Variants in GRK7 observed in about 807,000 individuals in gnomAD.
The protein encoded by GRK7 is G protein-coupled receptor kinase 7.
GRK7 carries 24 observed loss-of-function variants against 34.1 expected under a neutral mutation model. That is an observed-to-expected ratio of 0.70 (90% CI 0.51 to 0.99). GRK7 has a LOEUF of 0.99. Among genes scored for constraint, GRK7 ranks in the 50% least tolerant of loss-of-function variants. The pLI is 0.00. For missense variants in GRK7, 644 were observed against 707.3 expected, an observed-to-expected ratio of 0.91 and a Z score of 1.02; for synonymous variants, 256 against 279.4, an observed-to-expected ratio of 0.92 and a Z score of 0.84.
chr3:141,790,593 T>G (rs2084719671), intron 4 of GRK7, among the ~76,000 whole-genome samples: 1 of 151,568 alleles, frequency 6.6e-6, no homozygotes, highest in African/African-American at 2.4e-5. Context: ...AGATGGAGTC[T>G]TGCTCTGTTG....
the GRK7 span, among the ~76,000 whole-genome samples, chr3:141,756,883 T>C: frequency 2.9e-4 from 44 of 152,286 alleles, no homozygotes; most frequent in Non-Finnish European, 5.6e-4. Flanking sequence ...TCCTTGGAGT[T>C]CATTAGAAGG....
chr3:141,795,023 G>A (rs1274766937), intron 4 of GRK7, among the ~76,000 whole-genome samples: 1 of 152,160 alleles, frequency 6.6e-6, no homozygotes, highest in Non-Finnish European at 1.5e-5. Context: ...ATAATACGGT[G>A]TGATCAGGGT....
intron 4 of GRK7, among the ~76,000 whole-genome samples, chr3:141,801,128 G>C (rs1473706270): frequency 2.0e-5 from 3 of 151,922 alleles, no homozygotes; most frequent in Non-Finnish European, 2.9e-5. Context: ...GGCTAACAGG[G>C]TGAAACCCCG....
At position 141,778,433 on chromosome 3, in the gene GRK7, A is replaced by G. The variant is rs780012984; in HGVS notation, c.149A>G (p.Gln50Arg). The change falls in exon 3 of 6, where the codon CAG (glutamine) becomes CGG (arginine). Residue 50 changes from glutamine (Q) to arginine (R), a missense_variant. By Grantham distance (43) the Gln-to-Arg change is conservative (BLOSUM62 1). Transcript: ENST00000682958. This position sits in a 1 kb window ranked among gnomAD's most constrained non-coding sequence, Gnocchi z 4.1. ...PGLQGCAELR[Q>R]KLSLNFHSLC... is the part of the protein sequence containing the mutation. ...CTGCAGGGCTGCGCGGAGCTCCGCC[A>G]GAAGCTGTCCCTGAACTTCCACAGC... 6.2e-6 allele frequency: 10 copies of G among 1,612,868 alleles called. No individual in the cohort carries two copies. The highest frequency in any genetic ancestry group is 7.6e-6 in the Non-Finnish European group (9 of 1,179,876).
chr3:141,799,205 G>A (rs1710924583), intron 4 of GRK7, among the ~76,000 whole-genome samples: 1 of 152,206 alleles, frequency 6.6e-6, no homozygotes, highest in Admixed American at 6.5e-5. Flanking sequence ...GGCAAATGGG[G>A]AGAGGGAAGA....
chr3:141,806,514 G>A (rs1241950100), intron 4 of GRK7, among the ~76,000 whole-genome samples: 1 of 152,024 alleles, frequency 6.6e-6, no homozygotes, highest in Admixed American at 6.6e-5. Context: ...AGTGAGCTGA[G>A]ATCAGGACCC....
rs2084568301 is a variant in GRK7 at position 141,763,887 on chromosome 3, C to T, written c.-2066C>T. Among the ~76,000 whole-genome samples the T allele has an allele frequency of 6.6e-6, 1 of 152,174 alleles. No homozygotes were observed. Among genetic ancestry groups the T allele is most frequent in the African/African-American group, 2.4e-5 (1 of 41,438 alleles). ...TCTTCCCTTCCCTACAAATTCCCTC[C>T]ATTTTGTTTTCCCTAAAACCTGGTT... On this transcript the variant is annotated 5_prime_UTR_variant, in exon 1 of 6. Transcript: ENST00000682958.
rs1013382975 is a variant in GRK7, at chr3:141,765,663, A to G, written c.-290A>G. Among the ~76,000 whole-genome samples the G allele has an allele frequency of 1.3e-5, 2 of 152,054 alleles. No individual in the cohort carries two copies. Among genetic ancestry groups the G allele is most frequent in the South Asian group, 2.1e-4 (1 of 4,808 alleles). On this transcript the variant is annotated 5_prime_UTR_variant, in exon 1 of 6. Transcript: ENST00000682958. ...GGAGGAAACACTGCAGAGAGGCTCA[A>G]CCACCCCAGCTCTCCCAGCTGAGCT...
upstream of GRK7, among the ~76,000 whole-genome samples, chr3:141,760,421 G>A (rs1244479377): frequency 1.3e-3 from 174 of 137,330 alleles, no homozygotes; most frequent in African/African-American, 4.4e-3. Context: ...GTAGTTGAGC[G>A]GCTTTGAGTG....
In GRK7 at chr3:141,807,830, C is replaced by T; in HGVS notation, c.1236C>T (p.Val412=). 1 of 1,613,904 alleles carries T rather than the reference C, an allele frequency of 6.2e-7. No individual in the cohort carries two copies. The highest frequency in any genetic ancestry group is 1.1e-5 in the South Asian group (1 of 91,020). The part of the protein sequence containing the change: ...DLKQRTLQDE[V]KFQHDNFTEE... ...AGCAAAGAACTCTGCAAGACGAGGT[C>T]AAATTCCAGCATGATAACTTCACAG... The change falls in exon 5 of 6, where the codon GTC becomes GTT. Residue 412 remains valine (V), a synonymous_variant. Coordinates refer to ENST00000682958, the MANE Select transcript of GRK7 (RefSeq NM_139209.3).
chr3:141,789,542 C>T (rs2084713037), intron 4 of GRK7, among the ~76,000 whole-genome samples: 1 of 152,012 alleles, frequency 6.6e-6, no homozygotes, highest in South Asian at 2.1e-4. Flanking sequence ...CACTGCCTGT[C>T]CCAGGAGCCA....
the GRK7 span, among the ~76,000 whole-genome samples, chr3:141,752,787 C>G: frequency 1.3e-5 from 2 of 152,180 alleles, no homozygotes; most frequent in African/African-American, 2.4e-5. Flanking sequence ...ATGTCAAAGT[C>G]CTAACCCCCA....
chr3:141,789,655 G>GAAAAAAAAAAAAAAAA (rs1559843385), intron 4 of GRK7, among the ~76,000 whole-genome samples: 2 of 53,924 alleles, frequency 3.7e-5, no homozygotes, highest in African/African-American at 2.8e-4. Flanking sequence ...TGCCAAATGG[G>GAAAAAAAAAAAAAAAA]CAAAAAAAAA....
At chr3:141,791,747 T>C (rs748364008) in intron 4 of GRK7, among the ~76,000 whole-genome samples, 7 of 152,188 alleles carry the variant, frequency 4.6e-5, no homozygotes, top group Non-Finnish European at 1.0e-4. Context: ...CTCATGCCTG[T>C]AATCCCAGCA....
At chr3:141,758,918 T>C (rs2084542100), upstream of GRK7, among the ~76,000 whole-genome samples, 2 of 148,582 alleles carry the variant, frequency 1.3e-5, no homozygotes, top group South Asian at 2.1e-4. Flanking sequence ...TTTGAAGCAA[T>C]TGTGAATGGG....
intron 4 of GRK7, among the ~76,000 whole-genome samples, chr3:141,801,645 T>A (rs55796088): frequency 1.3e-5 from 2 of 152,248 alleles, no homozygotes; most frequent in Non-Finnish European, 2.9e-5. Context: ...ATAATTATTC[T>A]TATTTTTTAA....
chr3:141,784,465 T>A (rs2084686453), intron 4 of GRK7, among the ~76,000 whole-genome samples: 1 of 152,056 alleles, frequency 6.6e-6, no homozygotes, highest in Non-Finnish European at 1.5e-5. Flanking sequence ...GAGAGCAAGA[T>A]TGAAAGCCAT....
chr3:141,773,704 G>A (rs1450797764), intron 1 of GRK7, among the ~76,000 whole-genome samples: 4 of 152,186 alleles, frequency 2.6e-5, no homozygotes, highest in East Asian at 1.9e-4. Flanking sequence ...ATGAGCCACC[G>A]CGCCCGGCCT....
chr3:141,815,292 T>G (rs1473811779), intron 5 of GRK7, among the ~76,000 whole-genome samples: 1 of 152,154 alleles, frequency 6.6e-6, no homozygotes, highest in African/African-American at 2.4e-5. Context: ...CTGACTGGTA[T>G]GAGATGGTAT....
Sources: allele counts gnomAD v4.1 joint callset (sites outside exome capture counted in the v4.1 genomes callset), GRCh38; gene constraint gnomAD v4.1.1; non-coding constraint Gnocchi (gnomAD v3.1); transcripts MANE v1.5; gene names NCBI Gene and HGNC (gene_info 2026-07-23, HGNC 2026-07-21).